The following ASIC2 variants were observed in gnomAD, a reference collection of about 807,000 sequenced individuals.
ASIC2 encodes acid sensing ion channel subunit 2.
ASIC2 carries 25 observed loss-of-function variants against 57.3 expected under a neutral mutation model. That is an observed-to-expected ratio of 0.44 (90% CI 0.32 to 0.61). The LOEUF is 0.61. Among genes scored for constraint, ASIC2 ranks in the 20% least tolerant of loss-of-function variants. The pLI is 0.06. For synonymous variants in ASIC2, 319 were observed against 307.5 expected (o/e 1.04, Z -0.39); for missense variants, 641 against 738.1 (o/e 0.87, Z 1.52).
chr17:33,527,013 G>A (rs543196690), intron 1 of ASIC2, among the ~76,000 whole-genome samples: 6 of 152,334 alleles, frequency 3.9e-5, no homozygotes, highest in Non-Finnish European at 5.9e-5. Flanking sequence ...CGGGGGTGAT[G>A]CTGGGCTGGC....
intron 1 of ASIC2, among the ~76,000 whole-genome samples, chr17:33,112,320 C>T (rs991927324): frequency 1.3e-5 from 2 of 152,194 alleles, no homozygotes; most frequent in African/African-American, 2.4e-5. Flanking sequence ...TCTTCTTCCT[C>T]TGAGCACTAC....
chr17:33,506,673 A>G (rs1314437714), intron 1 of ASIC2, among the ~76,000 whole-genome samples: 1 of 152,176 alleles, frequency 6.6e-6, no homozygotes, highest in African/African-American at 2.4e-5. Context: ...GAATCACTAA[A>G]CCAGGGTATA....
chr17:33,516,883 G>C (rs1335190149), intron 1 of ASIC2, among the ~76,000 whole-genome samples: 3 of 152,160 alleles, frequency 2.0e-5, no homozygotes, highest in Non-Finnish European at 4.4e-5. Context: ...TTTTTCAATA[G>C]ACAATGGACT....
intron 3 of ASIC2, among the ~76,000 whole-genome samples, chr17:33,066,574 C>A (rs1598260766): frequency 6.6e-6 from 1 of 152,284 alleles, no homozygotes; most frequent in East Asian, 1.9e-4. Context: ...GGAAACTTGG[C>A]AGGGCCCTCC....
At chr17:33,285,522 C>T (rs1357847526) in intron 1 of ASIC2, among the ~76,000 whole-genome samples, 2 of 152,212 alleles carry the variant, frequency 1.3e-5, no homozygotes, top group Admixed American at 6.5e-5. Flanking sequence ...AGCTAAATCC[C>T]GTTGATCATT....
At chr17:33,968,852 A>G (rs1300929204) in intron 1 of ASIC2, among the ~76,000 whole-genome samples, 5 of 152,218 alleles carry the variant, frequency 3.3e-5, no homozygotes, top group Non-Finnish European at 7.3e-5. Flanking sequence ...AACAACAGGG[A>G]GCTGGCCTGC....
chr17:33,406,472 G>A (rs1468084246), intron 1 of ASIC2, among the ~76,000 whole-genome samples: 1 of 152,136 alleles, frequency 6.6e-6, no homozygotes, highest in Non-Finnish European at 1.5e-5. Context: ...TCTGTCAAAC[G>A]CAGAACACAG....
Position 33,623,162 on chromosome 17 carries a change from T to G in ASIC2, c.556-511095A>C, listed in dbSNP as rs533010313. Among the ~76,000 whole-genome samples the G allele has an allele frequency of 1.5e-4, 23 of 152,314 alleles. No individual in the cohort carries two copies. In the South Asian group the frequency reaches 4.6e-3, roughly 30 times the overall value. On this transcript the variant is annotated intron_variant, in intron 1 of 9. Transcript: ENST00000359872. Reference sequence around the variant, plus strand: ...CACCCAGGGGGTTTCTGGCAAGTGATGACTCCAGGGCTGGCTCCAAGAGTT... The same window carrying G: ...CACCCAGGGGGTTTCTGGCAAGTGAGGACTCCAGGGCTGGCTCCAAGAGTT...
At chr17:33,579,448 C>G (rs1916805274) in intron 1 of ASIC2, among the ~76,000 whole-genome samples, 1 of 151,972 alleles carries the variant, frequency 6.6e-6, no homozygotes, top group Non-Finnish European at 1.5e-5. Flanking sequence ...CTGCGGGGTA[C>G]CCATCCAGTT....
At chr17:33,843,075 CG>C (rs1210920487) in intron 1 of ASIC2, among the ~76,000 whole-genome samples, 1 of 152,220 alleles carries the variant, frequency 6.6e-6, no homozygotes, top group Non-Finnish European at 1.5e-5. Flanking sequence ...CGTGCACATA[CG>C]AATGTGATTA....
At chr17:33,820,309 A>G (rs1196667891) in intron 1 of ASIC2, among the ~76,000 whole-genome samples, 2 of 152,258 alleles carry the variant, frequency 1.3e-5, no homozygotes, top group African/African-American at 4.8e-5. Flanking sequence ...AACTGAGATG[A>G]GCTGTAAGTA....
chr17:33,243,069 A>C (rs1415752495), intron 1 of ASIC2, among the ~76,000 whole-genome samples: 1 of 152,178 alleles, frequency 6.6e-6, no homozygotes, highest in Non-Finnish European at 1.5e-5. Context: ...CCACACTCAC[A>C]CACCCCTGCA....
At chr17:33,160,363 A>C (rs1160974617) in intron 1 of ASIC2, among the ~76,000 whole-genome samples, 5 of 152,208 alleles carry the variant, frequency 3.3e-5, no homozygotes, top group Non-Finnish European at 5.9e-5. Flanking sequence ...ATGGAGTCTC[A>C]GAGTTGTAGA....
At chr17:33,450,867 A>T (rs534549359) in intron 1 of ASIC2, among the ~76,000 whole-genome samples, 1 of 152,306 alleles carries the variant, frequency 6.6e-6, no homozygotes, top group African/African-American at 2.4e-5. Flanking sequence ...ATCTGTATGC[A>T]GATGTATATG....
intron 1 of ASIC2, among the ~76,000 whole-genome samples, chr17:34,133,825 G>C (rs983461822): frequency 3.3e-5 from 5 of 152,170 alleles, no homozygotes; most frequent in African/African-American, 9.7e-5. Context: ...GGACAGTTTT[G>C]CCCCTCAGGA....
At chr17:33,302,965 A>G (rs1906018634) in intron 1 of ASIC2, among the ~76,000 whole-genome samples, 1 of 152,222 alleles carries the variant, frequency 6.6e-6, no homozygotes, top group African/African-American at 2.4e-5. Context: ...TGGTTTGAAC[A>G]TAGATTAAAT....
chr17:34,026,413 G>C (rs77149962), intron 1 of ASIC2, among the ~76,000 whole-genome samples: 17 of 152,214 alleles, frequency 1.1e-4, no homozygotes, highest in Non-Finnish European at 2.4e-4. Context: ...GCTCTGCCTT[G>C]GAAATGATGG....
At chr17:33,187,204 GTTC>G (rs1328643219) in intron 1 of ASIC2, among the ~76,000 whole-genome samples, 2 of 152,174 alleles carry the variant, frequency 1.3e-5, no homozygotes, top group African/African-American at 4.8e-5. Context: ...AAAGGGCTCA[GTTC>G]TTCTCCATGA....
At chr17:33,424,678 T>G (rs1049694059) in intron 1 of ASIC2, among the ~76,000 whole-genome samples, 1 of 152,194 alleles carries the variant, frequency 6.6e-6, no homozygotes, top group Non-Finnish European at 1.5e-5. Context: ...ACTTTCATTA[T>G]TTTTCACCTC....
Sources: allele counts gnomAD v4.1 joint callset (sites outside exome capture counted in the v4.1 genomes callset), GRCh38; gene constraint gnomAD v4.1.1; transcripts MANE v1.5; gene names NCBI Gene and HGNC (gene_info 2026-07-23, HGNC 2026-07-21).